PRKAR1A: variants seen among roughly 807,000 people sequenced by gnomAD.
The protein encoded by PRKAR1A is cAMP-dependent protein kinase type I-alpha regulatory subunit.
PRKAR1A carries 3 observed loss-of-function variants against 52.0 expected under a neutral mutation model. The observed-to-expected ratio is 0.06, with a 90% CI of 0.03 to 0.15. PRKAR1A has a LOEUF of 0.15. Among genes scored for constraint, PRKAR1A ranks in the 10% least tolerant of loss-of-function variants. PRKAR1A has a pLI of 1.00. For synonymous variants in PRKAR1A, 188 were observed against 168.4 expected (o/e 1.12, Z -0.90); for missense variants, 240 against 477.4 (o/e 0.50, Z 4.63).
At chr17:68,486,784 C>G in the PRKAR1A span, among the ~76,000 whole-genome samples, 1 of 151,706 alleles carries the variant, frequency 6.6e-6, no homozygotes, top group Admixed American at 6.6e-5. Flanking sequence ...CATTACCTTA[C>G]AGAAGTCACT....
the PRKAR1A span, among the ~76,000 whole-genome samples, chr17:68,456,328 C>G: frequency 1.3e-5 from 2 of 152,190 alleles, no homozygotes; most frequent in Non-Finnish European, 2.9e-5. Context: ...GCCTTAATTA[C>G]ACCACTGAAG....
chr17:68,507,915 C>T (rs2143059346), upstream of PRKAR1A, among the ~76,000 whole-genome samples: 1 of 152,248 alleles, frequency 6.6e-6, no homozygotes, highest in East Asian at 1.9e-4. Context: ...CTTGGGTAGG[C>T]CATGCTACCC....
intron 7 of PRKAR1A, among the ~76,000 whole-genome samples, chr17:68,527,066 CAT>C (rs1432874019): frequency 6.6e-6 from 1 of 152,146 alleles, no homozygotes; most frequent in African/African-American, 2.4e-5. Context: ...TAAAAGGAAA[CAT>C]AGAATGTTTA....
chr17:68,524,184 C>CA, intron 5 of PRKAR1A, 107 bp downstream of exon 5: 1 of 995,180 alleles, frequency 1.0e-6, no homozygotes, highest in Non-Finnish European at 1.5e-6. Flanking sequence ...GATCCTACCA[C>CA]TTTTTTTTTT....
chr17:68,436,327 A>C, the PRKAR1A span: 1 of 1,541,436 alleles, frequency 6.5e-7, no homozygotes, highest in Non-Finnish European at 9.0e-7. Context: ...ATCTCCTTCC[A>C]TGACCACACA....
At chr17:68,466,726 C>T in the PRKAR1A span, among the ~76,000 whole-genome samples, 1 of 152,058 alleles carries the variant, frequency 6.6e-6, no homozygotes, top group African/African-American at 2.4e-5. Flanking sequence ...TTTCTCCTAT[C>T]TTATGTTAAT....
chr17:68,426,242 T>TGGGGGGGG, the PRKAR1A span: 160 of 682,698 alleles, frequency 2.3e-4, 31 homozygotes, highest in Admixed American at 7.5e-4. Flanking sequence ...ACCTGGCGGG[T>TGGGGGGGG]GGGGAGCGGG....
At chr17:68,546,373 C>A (rs917196811) in intron 11 of PRKAR1A, among the ~76,000 whole-genome samples, 2 of 151,932 alleles carry the variant, frequency 1.3e-5, no homozygotes, top group Non-Finnish European at 2.9e-5. Context: ...CTTTTAAACT[C>A]CTGTTAATGT....
the PRKAR1A span, among the ~76,000 whole-genome samples, chr17:68,473,507 C>G: frequency 1.3e-5 from 2 of 151,862 alleles, no homozygotes; most frequent in South Asian, 2.1e-4. Context: ...ATCAATTGAC[C>G]TATTTTATTA....
the PRKAR1A span, among the ~76,000 whole-genome samples, chr17:68,460,180 A>G: frequency 6.6e-6 from 1 of 152,042 alleles, no homozygotes; most frequent in African/African-American, 2.4e-5. Flanking sequence ...TTTCACTTAC[A>G]CCATATCTCA....
intron 2 of PRKAR1A, 182 bp downstream of exon 2, chr17:68,515,758 A>G: frequency 1.3e-6 from 1 of 745,038 alleles, no homozygotes; most frequent in East Asian, 2.8e-5. Context: ...CTTAATTAGT[A>G]GAATTTATCA....
Position 68,531,260 on chromosome 17 carries a change from C to T in PRKAR1A, c.*811C>T. The T allele has an allele frequency of 1.1e-5, 12 of 1,066,316 alleles. No individual in the cohort carries two copies. Among genetic ancestry groups the T allele is most frequent in the Non-Finnish European group, 1.4e-5 (12 of 879,640 alleles). The allele number at this position is 1,066,316 out of a possible 1,614,324, so 66.1% of individuals were successfully genotyped here. A position where few individuals can be genotyped will look rare whatever the true frequency, so the allele number is the denominator to read the frequency against. The stretch of plus-strand genomic sequence containing the variant: ...ATCCAGCTAGTGCCAAATAATTGAT[C>T]AGATGCTGAATTGAGAATAAGAATT... On this transcript the variant is annotated 3_prime_UTR_variant, in exon 11 of 11. Transcript: ENST00000589228.
At chr17:68,445,414 C>T in the PRKAR1A span, among the ~76,000 whole-genome samples, 1 of 152,264 alleles carries the variant, frequency 6.6e-6, no homozygotes, top group East Asian at 1.9e-4. Flanking sequence ...TGAATAATTA[C>T]CAGCTCTAAC....
chr17:68,435,544 G>T, the PRKAR1A span: 1 of 1,443,202 alleles, frequency 6.9e-7, no homozygotes, highest in Non-Finnish European at 9.7e-7. Context: ...CACCAGGTTT[G>T]TTCAATCCCA....
the PRKAR1A span, chr17:68,426,196 A>G: frequency 6.6e-7 from 1 of 1,522,440 alleles, no homozygotes; most frequent in South Asian, 1.1e-5. Context: ...AGAAAGAGAC[A>G]TGAAACAAGC....
chr17:68,476,376 G>T, the PRKAR1A span, among the ~76,000 whole-genome samples: 174 of 152,166 alleles, frequency 1.1e-3, 2 homozygotes, highest in African/African-American at 4.1e-3. Context: ...GGAAGTGGAG[G>T]TCTCCATTTT....
chr17:68,538,419 G>C (rs2086158643), downstream of PRKAR1A, among the ~76,000 whole-genome samples: 1 of 152,214 alleles, frequency 6.6e-6, no homozygotes, highest in African/African-American at 2.4e-5. Context: ...TCTACTCCGA[G>C]TTTTCCAGCT....
the PRKAR1A span, chr17:68,420,945 T>C: frequency 6.2e-6 from 1 of 161,500 alleles, no homozygotes; most frequent in East Asian, 1.8e-4. Context: ...TTTCTCTTTT[T>C]TTCCTTCCAC....
At chr17:68,487,998 T>A in the PRKAR1A span, among the ~76,000 whole-genome samples, 1 of 151,854 alleles carries the variant, frequency 6.6e-6, no homozygotes, top group African/African-American at 2.4e-5. Context: ...AGAGAGGGAA[T>A]AAACAGACTA....
Sources: allele counts gnomAD v4.1 joint callset (sites outside exome capture counted in the v4.1 genomes callset), GRCh38; gene constraint gnomAD v4.1.1; transcripts MANE v1.5; gene names NCBI Gene and HGNC (gene_info 2026-07-23, HGNC 2026-07-21).